MIPOL1: variants seen among roughly 807,000 people sequenced by gnomAD.
MIPOL1 encodes mirror-image polydactyly 1.
A neutral mutation model predicts 60.9 loss-of-function variants in MIPOL1; 57 were observed. The observed-to-expected ratio is 0.94, with a 90% CI of 0.76 to 1.17. The LOEUF (loss-of-function observed/expected upper bound fraction) is 1.17. Among genes scored for constraint, MIPOL1 ranks in the 50% most tolerant of loss-of-function variants. MIPOL1 has a pLI of 0.00. For synonymous variants in MIPOL1, 179 were observed against 168.8 expected (o/e 1.06, Z -0.47); for missense variants, 551 against 511.6 (o/e 1.08, Z -0.74).
chr14:37,383,327 A>G (rs963478325), intron 10 of MIPOL1, among the ~76,000 whole-genome samples: 3 of 151,760 alleles, frequency 2.0e-5, no homozygotes, highest in African/African-American at 7.2e-5. Context: ...TGTGTATTTT[A>G]TTCTCAACTT....
chr14:37,545,516 T>A, intron 12 of MIPOL1: 2 of 477,202 alleles, frequency 4.2e-6, no homozygotes, highest in Non-Finnish European at 7.5e-6. Flanking sequence ...TATACAACAT[T>A]TATGTATAGT....
At chr14:37,270,969 T>C (rs905060543) in intron 6 of MIPOL1, among the ~76,000 whole-genome samples, 1 of 152,004 alleles carries the variant, frequency 6.6e-6, no homozygotes, top group East Asian at 1.9e-4. Context: ...GATTAAAAAA[T>C]CTGTTTTGTG....
At chr14:37,338,267 C>T (rs573447898) in intron 9 of MIPOL1, among the ~76,000 whole-genome samples, 5 of 151,902 alleles carry the variant, frequency 3.3e-5, no homozygotes, top group South Asian at 4.2e-4. Flanking sequence ...CCACCATGCC[C>T]GGCTAGTTTT....
At chr14:37,199,862 A>G (rs550053462) in intron 1 of MIPOL1, among the ~76,000 whole-genome samples, 1 of 152,256 alleles carries the variant, frequency 6.6e-6, no homozygotes, top group African/African-American at 2.4e-5. Flanking sequence ...CTACTAGAAA[A>G]TTACTGTGTT....
chr14:37,351,446 A>G (rs1223596335), intron 9 of MIPOL1, among the ~76,000 whole-genome samples: 1 of 151,874 alleles, frequency 6.6e-6, no homozygotes, highest in African/African-American at 2.4e-5. Context: ...GCTGGCTCAA[A>G]TGGTATTTCC....
intron 1 of MIPOL1, among the ~76,000 whole-genome samples, chr14:37,216,579 A>G (rs1967752892): frequency 6.6e-6 from 1 of 152,246 alleles, no homozygotes; most frequent in Admixed American, 6.5e-5. Context: ...AATAATATTA[A>G]GCATCCTTTC....
At chr14:37,268,420 G>A (rs1950885) in intron 4 of MIPOL1, among the ~76,000 whole-genome samples, 150,455 of 152,264 alleles carry the variant, frequency 0.99, 74,361 homozygotes, top group Middle Eastern at 1. Flanking sequence ...GGAGATGTAC[G>A]TGGTAAATAG....
chr14:37,202,137 T>C (rs2139111811), intron 1 of MIPOL1, among the ~76,000 whole-genome samples: 1 of 152,332 alleles, frequency 6.6e-6, no homozygotes, highest in Admixed American at 6.5e-5. Flanking sequence ...AGCCCATTTC[T>C]TGTTTTTAAG....
chr14:37,433,772 T>C (rs1038726244), intron 11 of MIPOL1, among the ~76,000 whole-genome samples: 1 of 152,050 alleles, frequency 6.6e-6, no homozygotes, highest in African/African-American at 2.4e-5. Context: ...GCCAGGCTGG[T>C]CTCAAACTCC....
chr14:37,257,095 TTGTG>T (rs61079220), intron 3 of MIPOL1, among the ~76,000 whole-genome samples: 4,399 of 137,760 alleles, frequency 0.032, 221 homozygotes, highest in African/African-American at 0.11. Flanking sequence ...TGGTTTTGTT[TTGTG>T]TGTGTGTGTG....
At chr14:37,342,792 TAA>T (rs2090669866) in intron 9 of MIPOL1, among the ~76,000 whole-genome samples, 1 of 152,142 alleles carries the variant, frequency 6.6e-6, no homozygotes, top group Non-Finnish European at 1.5e-5. Flanking sequence ...CACAGCTTAC[TAA>T]ATAAATAGCT....
At chr14:37,464,462 A>G (rs909416682) in intron 11 of MIPOL1, among the ~76,000 whole-genome samples, 2 of 152,236 alleles carry the variant, frequency 1.3e-5, no homozygotes, top group Non-Finnish European at 2.9e-5. Flanking sequence ...CATTATCCTA[A>G]GAGAAATAAC....
chr14:37,424,849 C>T (rs2093934363), intron 11 of MIPOL1, among the ~76,000 whole-genome samples: 1 of 152,206 alleles, frequency 6.6e-6, no homozygotes, highest in Non-Finnish European at 1.5e-5. Context: ...CTGTAGCTGC[C>T]ATTAGAATAA....
intron 11 of MIPOL1, among the ~76,000 whole-genome samples, chr14:37,463,905 G>A (rs145753341): frequency 1.3e-3 from 194 of 152,024 alleles, no homozygotes; most frequent in African/African-American, 4.3e-3. Flanking sequence ...AACTCAAATA[G>A]CTCAACAACA....
At chr14:37,281,326 T>G (rs1253846676) in intron 6 of MIPOL1, among the ~76,000 whole-genome samples, 1 of 152,198 alleles carries the variant, frequency 6.6e-6, no homozygotes, top group Non-Finnish European at 1.5e-5. Context: ...ATTGTGTGGA[T>G]TTATTTCTGG....
intron 11 of MIPOL1, among the ~76,000 whole-genome samples, chr14:37,464,063 A>G (rs1168862987): frequency 6.6e-6 from 1 of 152,210 alleles, no homozygotes; most frequent in African/African-American, 2.4e-5. Flanking sequence ...ATAAGATACC[A>G]TCTCACACCA....
At chr14:37,344,489 G>C (rs1396591141) in intron 9 of MIPOL1, among the ~76,000 whole-genome samples, 1 of 151,636 alleles carries the variant, frequency 6.6e-6, no homozygotes, top group East Asian at 1.9e-4. Context: ...ACGAGATTTA[G>C]ATTTGTTTTT....
intron 11 of MIPOL1, among the ~76,000 whole-genome samples, chr14:37,489,085 C>T (rs1364910517): frequency 6.6e-6 from 1 of 152,100 alleles, no homozygotes; most frequent in Non-Finnish European, 1.5e-5. Flanking sequence ...CAATCACTTT[C>T]AAGTACACCA....
chr14:37,423,033 A>G (rs2093903279), intron 11 of MIPOL1, 84 bp downstream of exon 11: 3 of 788,166 alleles, frequency 3.8e-6, no homozygotes, highest in Non-Finnish European at 4.2e-6. Flanking sequence ...GTGAATGAGG[A>G]AATACCTCAA....
Sources: gnomAD v4.1 joint callset for allele counts (sites outside exome capture counted in the v4.1 genomes callset) on GRCh38, gnomAD v4.1.1 for gene constraint, MANE v1.5 for transcripts, NCBI Gene and HGNC (gene_info 2026-07-23, HGNC 2026-07-21) for gene names.